The following MET variants were observed in gnomAD, a reference collection of about 807,000 sequenced individuals.
MET encodes MET proto-oncogene, receptor tyrosine kinase, also known as hepatocyte growth factor receptor.
In MET, 48 loss-of-function variants were observed where a neutral mutation model predicts 133.1. The observed-to-expected ratio is 0.36, with a 90% CI of 0.29 to 0.46. The LOEUF is 0.46. MET is among the 20% of genes least tolerant of loss of function. The probability of loss-of-function intolerance (pLI) is 1.00; values close to 1 mark genes in which losing one functional copy is unlikely to be tolerated. For synonymous variants in MET, 628 were observed against 616.5 expected, an observed-to-expected ratio of 1.02 and a Z score of -0.28; for missense variants, 1,442 against 1,695.9, an observed-to-expected ratio of 0.85 and a Z score of 2.63.
intron 2 of MET, among the ~76,000 whole-genome samples, chr7:116,707,660 G>A (rs1382844845): frequency 6.6e-6 from 1 of 152,084 alleles, no homozygotes; most frequent in African/African-American, 2.4e-5. Context: ...CTAAACTATA[G>A]GTGAAGTCAT....
At chr7:116,705,980 T>C (rs541319710) in intron 2 of MET, among the ~76,000 whole-genome samples, 134 of 152,228 alleles carry the variant, frequency 8.8e-4, no homozygotes, top group African/African-American at 3.1e-3. Flanking sequence ...TTCCTTTTGC[T>C]TTTTCCCTTC....
chr7:116,676,586 A>T (rs1796166862), intron 1 of MET, among the ~76,000 whole-genome samples: 1 of 152,242 alleles, frequency 6.6e-6, no homozygotes, highest in Non-Finnish European at 1.5e-5. Flanking sequence ...TTCAAGGTAG[A>T]ATAAAATGGA....
chr7:116,795,014 T>C (rs1481822057), intron 19 of MET, among the ~76,000 whole-genome samples: 1 of 152,256 alleles, frequency 6.6e-6, no homozygotes, highest in Admixed American at 6.5e-5. Flanking sequence ...CGTGTCCCTG[T>C]GATCTTCCTA....
chr7:116,740,815 C>T (rs765259685), intron 4 of MET, 37 bp from the exon 5 acceptor site: 3 of 1,611,272 alleles, frequency 1.9e-6, no homozygotes, highest in South Asian at 1.1e-5. Flanking sequence ...AAACTAGATA[C>T]CCCTCTGGAA....
chr7:116,732,842 C>T (rs1175430246), intron 3 of MET, among the ~76,000 whole-genome samples: 1 of 151,984 alleles, frequency 6.6e-6, no homozygotes, highest in Non-Finnish European at 1.5e-5. Flanking sequence ...TGATCATTGC[C>T]ATATTTTAAA....
chr7:116,775,951 T>C (rs919984435), intron 15 of MET, among the ~76,000 whole-genome samples: 1 of 152,150 alleles, frequency 6.6e-6, no homozygotes, highest in Non-Finnish European at 1.5e-5. Flanking sequence ...GATAAATGAA[T>C]ATTTGTAATA....
At chr7:116,721,095 G>A (rs1214480544) in intron 2 of MET, among the ~76,000 whole-genome samples, 13 of 152,068 alleles carry the variant, frequency 8.5e-5, no homozygotes, top group South Asian at 4.1e-4. Flanking sequence ...GATAGAATTC[G>A]GCTGTGAATC....
At chr7:116,787,370 C>T (rs903454693) in intron 19 of MET, among the ~76,000 whole-genome samples, 5 of 152,140 alleles carry the variant, frequency 3.3e-5, no homozygotes, top group Non-Finnish European at 7.4e-5. Flanking sequence ...TCGTTTTGTG[C>T]TGCTATAACA....
intron 11 of MET, among the ~76,000 whole-genome samples, chr7:116,766,294 A>G (rs191600071): frequency 6.6e-6 from 1 of 152,324 alleles, no homozygotes; most frequent in Admixed American, 6.5e-5. Flanking sequence ...AGATGCTTCA[A>G]ATGTTCAATC....
intron 19 of MET, among the ~76,000 whole-genome samples, chr7:116,786,020 A>G (rs1416493228): frequency 6.6e-6 from 1 of 152,250 alleles, no homozygotes; most frequent in African/African-American, 2.4e-5. Context: ...GCTGTCATAC[A>G]ATAGACCACA....
At chr7:116,725,392 T>G (rs1792705520) in intron 2 of MET, among the ~76,000 whole-genome samples, 1 of 151,846 alleles carries the variant, frequency 6.6e-6, no homozygotes, top group Non-Finnish European at 1.5e-5. Flanking sequence ...TGGGGAAAAT[T>G]CTTAATAGGT....
intron 2 of MET, among the ~76,000 whole-genome samples, chr7:116,704,577 TCTAA>T (rs1382903588): frequency 6.6e-6 from 1 of 152,138 alleles, no homozygotes; most frequent in Admixed American, 6.6e-5. Flanking sequence ...CACTTCCCTC[TCTAA>T]CTGTTATGAG....
chr7:116,743,455 C>T (rs1482464682), intron 5 of MET, among the ~76,000 whole-genome samples: 2 of 152,208 alleles, frequency 1.3e-5, no homozygotes, highest in African/African-American at 4.8e-5. Flanking sequence ...CCCTACAGAA[C>T]CCAGCAAGCT....
At chr7:116,751,627 C>T (rs928062812) in intron 5 of MET, among the ~76,000 whole-genome samples, 6 of 152,140 alleles carry the variant, frequency 3.9e-5, no homozygotes, top group African/African-American at 1.4e-4. Context: ...TGAGAGATTT[C>T]AGGACTGTAA....
chr7:116,718,578 G>C (rs1297284987), intron 2 of MET, among the ~76,000 whole-genome samples: 2 of 150,522 alleles, frequency 1.3e-5, no homozygotes, highest in Non-Finnish European at 1.5e-5. Flanking sequence ...TGCCATGCTG[G>C]TGTGCTGCAC....
At chr7:116,760,052 C>T (rs1794339458) in intron 10 of MET, among the ~76,000 whole-genome samples, 2 of 152,216 alleles carry the variant, frequency 1.3e-5, no homozygotes, top group Admixed American at 1.3e-4. Flanking sequence ...GCTGGGATTA[C>T]AGGCATGAGC....
At chr7:116,720,956 T>C (rs1562896440) in intron 2 of MET, among the ~76,000 whole-genome samples, 1 of 150,748 alleles carries the variant, frequency 6.6e-6, no homozygotes, top group Non-Finnish European at 1.5e-5. Context: ...TCTTTTTTGG[T>C]TGTGTCTCTG....
intron 2 of MET, among the ~76,000 whole-genome samples, chr7:116,701,258 C>A (rs1182979020): frequency 6.6e-6 from 1 of 152,076 alleles, no homozygotes; most frequent in Admixed American, 6.6e-5. Context: ...ATTGAATGAA[C>A]AAATAGTATA....
At chr7:116,759,547 G>A (rs2116940110) in intron 10 of MET, 57 bp downstream of exon 10, 1 of 1,579,006 alleles carries the variant, frequency 6.3e-7, no homozygotes, top group Non-Finnish European at 8.6e-7. Flanking sequence ...CTCTAACCAT[G>A]TGGCTTTCAT....
Sources: gnomAD v4.1 joint callset for allele counts (sites outside exome capture counted in the v4.1 genomes callset) on GRCh38, gnomAD v4.1.1 for gene constraint, MANE v1.5 for transcripts, NCBI Gene and HGNC (gene_info 2026-07-23, HGNC 2026-07-21) for gene names.